MPDZ: variants seen among roughly 807,000 people sequenced by gnomAD.
MPDZ encodes multiple PDZ domain protein.
A neutral mutation model predicts 239.1 loss-of-function variants in MPDZ; 234 were observed. The observed-to-expected ratio is 0.98, with a 90% CI of 0.88 to 1.09. MPDZ has a LOEUF of 1.09. Among genes scored for constraint, MPDZ ranks in the 50% least tolerant of loss-of-function variants. MPDZ has a pLI of 0.00. For synonymous variants in MPDZ, 1,048 were observed against 881.3 expected (o/e 1.19, Z -3.35); for missense variants, 3,175 against 2,510.0 (o/e 1.26, Z -5.66).
Position 13,196,187 on chromosome 9 carries a change from T to G in MPDZ, c.1590A>C (p.Ala530=). ...LSAEIEEIED[A]QKQEAALLTK... The stretch of plus-strand genomic sequence containing the variant: ...TCAGCAGAGCAGCTTCTTGTTTTTG[T>G]GCATCTTCTATTTCTTCTATCTCAG... Residue 530 remains alanine, a synonymous_variant, in exon 13 of 47, where the codon GCA becomes GCC. Transcript: ENST00000319217. 4 of 1,602,500 alleles carry G rather than the reference T, an allele frequency of 2.5e-6. No homozygotes were observed. Among genetic ancestry groups the G allele is most frequent in the South Asian group, 1.1e-5 (1 of 89,042 alleles).
chr9:13,260,403 C>T (rs561445864), intron 1 of MPDZ, among the ~76,000 whole-genome samples: 12 of 152,136 alleles, frequency 7.9e-5, no homozygotes, highest in Admixed American at 1.3e-4. Context: ...CCCACCTTTC[C>T]GGGCTTTGGT....
chr9:13,179,282 T>C (rs1470435100), intron 19 of MPDZ, among the ~76,000 whole-genome samples: 1 of 152,168 alleles, frequency 6.6e-6, no homozygotes, highest in Non-Finnish European at 1.5e-5. Flanking sequence ...ATAATGTACT[T>C]ACTACAGAAC....
intron 19 of MPDZ, among the ~76,000 whole-genome samples, chr9:13,177,598 TA>T (rs1335267930): frequency 1.3e-5 from 2 of 152,194 alleles, no homozygotes; most frequent in Non-Finnish European, 2.9e-5. Context: ...CATGTCAGTT[TA>T]AAAACAAGTC....
intron 25 of MPDZ, among the ~76,000 whole-genome samples, chr9:13,148,583 A>C (rs917107413): frequency 6.6e-6 from 1 of 152,050 alleles, no homozygotes; most frequent in Non-Finnish European, 1.5e-5. Flanking sequence ...TTTTCAGTGC[A>C]TATTAAAATA....
chr9:13,219,105 C>G (rs1036739421), intron 8 of MPDZ, among the ~76,000 whole-genome samples: 1 of 151,766 alleles, frequency 6.6e-6, no homozygotes, highest in Non-Finnish European at 1.5e-5. Flanking sequence ...TCATACTCAC[C>G]AAGCCTGCCC....
intron 41 of MPDZ, 61 bp from the exon 42 acceptor site, chr9:13,113,115 T>G: frequency 7.0e-7 from 1 of 1,423,828 alleles, no homozygotes; most frequent in Non-Finnish European, 9.6e-7. Context: ...TTATGTTCGT[T>G]AAAATATCTA....
At chr9:13,276,257 T>A (rs1175121495) in intron 1 of MPDZ, among the ~76,000 whole-genome samples, 1 of 152,328 alleles carries the variant, frequency 6.6e-6, no homozygotes, top group East Asian at 1.9e-4. Flanking sequence ...AGGCAATGGA[T>A]TCCTCACCAC....
intron 2 of MPDZ, among the ~76,000 whole-genome samples, chr9:13,248,021 G>C (rs1266545574): frequency 2.0e-5 from 3 of 152,092 alleles, no homozygotes; most frequent in African/African-American, 7.2e-5. Flanking sequence ...GAGCTCAGGA[G>C]TTCGAGACCA....
intron 1 of MPDZ, among the ~76,000 whole-genome samples, chr9:13,253,499 T>TA (rs1418418991): frequency 6.6e-6 from 1 of 152,212 alleles, no homozygotes; most frequent in African/African-American, 2.4e-5. Flanking sequence ...ATTTTTTAGA[T>TA]AGAGTCCATT....
At chr9:13,267,222 T>A (rs1186695415) in intron 1 of MPDZ, among the ~76,000 whole-genome samples, 1 of 152,194 alleles carries the variant, frequency 6.6e-6, no homozygotes, top group Non-Finnish European at 1.5e-5. Flanking sequence ...ATAAGTAAAT[T>A]TTTTAGGCAA....
chr9:13,233,573 G>C (rs1438721431), intron 3 of MPDZ, among the ~76,000 whole-genome samples: 1 of 151,988 alleles, frequency 6.6e-6, no homozygotes, highest in Non-Finnish European at 1.5e-5. Context: ...ATTTCGGTGA[G>C]GGTTACATGT....
rs35476999 is a variant in MPDZ at position 13,222,317 on chromosome 9, G to A, written c.663C>T (p.Ala221=). 2.0e-5 allele frequency: 33 copies of A among 1,612,914 alleles called. No homozygotes were observed. Among genetic ancestry groups the A allele is most frequent in the Admixed American group, 1.0e-4 (6 of 59,846 alleles). Residue 221 remains alanine, a synonymous_variant, in exon 6 of 47, where the codon GCC becomes GCT. Coordinates refer to ENST00000319217, the MANE Select transcript of MPDZ (RefSeq NM_001378778.1). The part of the protein sequence containing the change: ...KAKDTVQLVI[A]RGSLPQLVSP... ...TGACAAGCTGAGGCAATGAGCCTCTGGCAATAACTAGCTGGACAGTATCTT... is the reference window on the plus strand; with the variant it reads ...TGACAAGCTGAGGCAATGAGCCTCTAGCAATAACTAGCTGGACAGTATCTT...
intron 2 of MPDZ, among the ~76,000 whole-genome samples, chr9:13,248,670 T>A (rs760769631): frequency 7.3e-5 from 11 of 151,702 alleles, no homozygotes; most frequent in Non-Finnish European, 1.0e-4. Context: ...CCCAGTAATG[T>A]TAAAAAGTGG....
intron 1 of MPDZ, among the ~76,000 whole-genome samples, chr9:13,257,953 T>C (rs1408986168): frequency 6.6e-6 from 1 of 152,140 alleles, no homozygotes; most frequent in Non-Finnish European, 1.5e-5. Flanking sequence ...TAACAACATA[T>C]AAAATCATTT....
chr9:13,268,468 C>T (rs1322256988), intron 1 of MPDZ, among the ~76,000 whole-genome samples: 1 of 152,116 alleles, frequency 6.6e-6, no homozygotes, highest in Non-Finnish European at 1.5e-5. Context: ...ACCTCTGTCA[C>T]TGAAGCATAT....
chr9:13,251,251 G>A (rs1967934244), intron 1 of MPDZ, among the ~76,000 whole-genome samples: 1 of 151,904 alleles, frequency 6.6e-6, no homozygotes, highest in South Asian at 2.1e-4. Flanking sequence ...TGAACAAAAG[G>A]GAGTATACAG....
intron 3 of MPDZ, among the ~76,000 whole-genome samples, chr9:13,228,262 T>C (rs559852791): frequency 7.8e-4 from 119 of 152,264 alleles, no homozygotes; most frequent in Non-Finnish European, 9.4e-4. Flanking sequence ...GGGGCTTTTA[T>C]GTATTTAGCA....
At chr9:13,216,634 A>T in intron 10 of MPDZ, 140 bp downstream of exon 10, 1 of 548,318 alleles carries the variant, frequency 1.8e-6, no homozygotes, top group Non-Finnish European at 3.2e-6. Context: ...TAGAAAGGGT[A>T]ATTGTAATAA....
At chr9:13,240,459 G>A (rs1195748769) in intron 3 of MPDZ, among the ~76,000 whole-genome samples, 2 of 151,634 alleles carry the variant, frequency 1.3e-5, no homozygotes, top group Non-Finnish European at 2.9e-5. Flanking sequence ...ATGAATTTGA[G>A]TTTAGATGAT....
Sources: gnomAD v4.1 joint callset for allele counts (sites outside exome capture counted in the v4.1 genomes callset) on GRCh38, gnomAD v4.1.1 for gene constraint, MANE v1.5 for transcripts, NCBI Gene and HGNC (gene_info 2026-07-23, HGNC 2026-07-21) for gene names.